The following PLB1 variants were observed in gnomAD, a reference collection of about 807,000 sequenced individuals.
PLB1 encodes phospholipase B1.
Under a neutral mutation model 227.4 loss-of-function variants are expected in PLB1, and 242 were observed. The ratio of observed to expected loss-of-function variants is 1.06; its 90% CI spans 0.96 to 1.18. The LOEUF (loss-of-function observed/expected upper bound fraction) is 1.18. Ranked by LOEUF, PLB1 falls within the 50% of genes most tolerant of loss-of-function variation. PLB1 has a pLI of 0.00. For missense variants in PLB1, 1,858 were observed against 1,816.3 expected (o/e 1.02, Z -0.42); for synonymous variants, 757 against 682.2 (o/e 1.11, Z -1.71).
chr2:28,612,376 G>A (rs993608049), intron 43 of PLB1, among the ~76,000 whole-genome samples: 5 of 152,126 alleles, frequency 3.3e-5, no homozygotes, highest in African/African-American at 1.2e-4. Flanking sequence ...TGTGAGGAAC[G>A]GAACCAGGCA....
intron 54 of PLB1, 40 bp from the exon 55 acceptor site, chr2:28,631,996 C>A: frequency 6.4e-7 from 1 of 1,552,564 alleles, no homozygotes; most frequent in Non-Finnish European, 8.9e-7. Flanking sequence ...TCTGTGCAGC[C>A]TTGCCAGGAG....
Position 28,576,716 on chromosome 2 carries a change from C to G in PLB1, c.1434-1391C>G, listed in dbSNP as rs150826261. On this transcript the variant is annotated intron_variant, in intron 21 of 57. Transcript: ENST00000327757. ...TTGCACTACAACCTGGGCGATAGCA[C>G]GAGACTCAGTCTCAAAAAAAAGAGT... 6.6e-3 allele frequency among the ~76,000 whole-genome samples: 1,012 copies of G among 152,210 alleles called. 12 individuals are homozygous for G. The highest frequency in any genetic ancestry group is 0.027 in the Middle Eastern group (8 of 294).
chr2:28,582,861 C>G (rs1430959865), intron 25 of PLB1, among the ~76,000 whole-genome samples: 1 of 152,184 alleles, frequency 6.6e-6, no homozygotes, highest in African/African-American at 2.4e-5. Context: ...GGACCTACTT[C>G]CAAGTGTGTC....
At chr2:28,558,683 C>T (rs1280971640) in intron 17 of PLB1, among the ~76,000 whole-genome samples, 4 of 147,702 alleles carry the variant, frequency 2.7e-5, no homozygotes, top group Non-Finnish European at 4.5e-5. Context: ...GTGCATGGTG[C>T]ATGTGTTCAT....
intron 1 of PLB1, among the ~76,000 whole-genome samples, chr2:28,515,976 T>C (rs1668802158): frequency 6.6e-6 from 1 of 152,212 alleles, no homozygotes. Flanking sequence ...ATAAAACATG[T>C]GCCTGACTAT....
intron 56 of PLB1, among the ~76,000 whole-genome samples, chr2:28,638,656 G>A (rs1689640649): frequency 6.6e-6 from 1 of 151,708 alleles, no homozygotes; most frequent in Admixed American, 6.6e-5. Context: ...TTTGGTTTGG[G>A]GTCTAAGAAA....
At chr2:28,511,224 G>C (rs1452147815) in intron 1 of PLB1, among the ~76,000 whole-genome samples, 2 of 151,760 alleles carry the variant, frequency 1.3e-5, no homozygotes, top group Non-Finnish European at 2.9e-5. Context: ...TTTATATTAG[G>C]GTTGGCAAAC....
intron 43 of PLB1, among the ~76,000 whole-genome samples, chr2:28,613,391 C>A (rs892273007): frequency 6.6e-6 from 1 of 152,180 alleles, no homozygotes; most frequent in Non-Finnish European, 1.5e-5. Flanking sequence ...TACATTTTCT[C>A]ATTAGCTTTC....
At chr2:28,584,788 G>A (rs1680630963) in intron 25 of PLB1, among the ~76,000 whole-genome samples, 2 of 152,194 alleles carry the variant, frequency 1.3e-5, no homozygotes, top group Admixed American at 1.3e-4. Context: ...CAAAAGCCCA[G>A]ATGTGCCAGA....
chr2:28,569,001 C>G (rs148715085), intron 20 of PLB1, among the ~76,000 whole-genome samples: 223 of 152,266 alleles, frequency 1.5e-3, no homozygotes, highest in African/African-American at 4.8e-3. Flanking sequence ...TTTCACAGTC[C>G]TTTTTTCTCT....
chr2:28,547,218 A>AAAAAG (rs1673422921), intron 14 of PLB1, among the ~76,000 whole-genome samples: 1 of 90,822 alleles, frequency 1.1e-5, no homozygotes. Flanking sequence ...AAAAAAAAAG[A>AAAAAG]AAAAAAAAAA....
chr2:28,642,084 A>C (rs529663054), intron 57 of PLB1, among the ~76,000 whole-genome samples: 1 of 152,182 alleles, frequency 6.6e-6, no homozygotes. Context: ...CCAGGTCCAG[A>C]TGTTGCCTTT....
intron 1 of PLB1, among the ~76,000 whole-genome samples, chr2:28,514,633 A>G (rs923106420): frequency 3.3e-5 from 5 of 152,212 alleles, no homozygotes; most frequent in Non-Finnish European, 7.4e-5. Context: ...AGTAGTTTCA[A>G]TAGAGACCAT....
intron 20 of PLB1, among the ~76,000 whole-genome samples, chr2:28,567,635 A>G (rs1217290071): frequency 1.3e-5 from 2 of 151,520 alleles, no homozygotes; most frequent in Non-Finnish European, 2.9e-5. Flanking sequence ...CACCACACCC[A>G]GCTAATTTTT....
chr2:28,532,138 A>G lies in PLB1; in HGVS notation c.499A>G (p.Ile167Val). 6.2e-7 allele frequency: 1 copy of G among 1,612,758 alleles called. No homozygotes were observed. The highest frequency in any genetic ancestry group is 8.5e-7 in the Non-Finnish European group (1 of 1,179,532). ...TGACTTTCAATTTGACTGGAAGCTC[A>G]TCAATGTGTTCTTCAGTAATGCAAG... ...QLDFQFDWKL[I>V]NVFFSNASQC... is the part of the protein sequence containing the mutation. Residue 167 changes from isoleucine to valine, a missense_variant, in exon 9 of 58, where the codon ATC becomes GTC. Ile to Val is a conservative substitution (Grantham distance 29, BLOSUM62 3). Coordinates refer to ENST00000327757, the MANE Select transcript of PLB1 (RefSeq NM_153021.5).
intron 14 of PLB1, among the ~76,000 whole-genome samples, chr2:28,547,309 T>G (rs780622468): frequency 1.3e-5 from 2 of 152,072 alleles, no homozygotes; most frequent in Admixed American, 6.6e-5. Flanking sequence ...GACAGCCGCC[T>G]TGAATGTTCC....
intron 1 of PLB1, among the ~76,000 whole-genome samples, chr2:28,499,826 A>T (rs1425181812): frequency 6.6e-6 from 1 of 152,132 alleles, no homozygotes; most frequent in East Asian, 1.9e-4. Context: ...TGGAGGTTGT[A>T]GTAAGCCGAG....
At chr2:28,620,847 T>C (rs1686944822) in intron 48 of PLB1, 32 bp from the exon 49 acceptor site, 1 of 1,570,346 alleles carries the variant, frequency 6.4e-7, no homozygotes, top group Non-Finnish European at 8.8e-7. Flanking sequence ...GGCTCTCACC[T>C]GTGCTCTTCT....
chr2:28,611,831 G>C (rs1039597362), intron 43 of PLB1, among the ~76,000 whole-genome samples: 1 of 152,060 alleles, frequency 6.6e-6, no homozygotes. Context: ...ACTTGGCCCT[G>C]AGTACCTCTC....
Sources: allele counts gnomAD v4.1 joint callset (sites outside exome capture counted in the v4.1 genomes callset), GRCh38; gene constraint gnomAD v4.1.1; transcripts MANE v1.5; gene names NCBI Gene and HGNC (gene_info 2026-07-23, HGNC 2026-07-21).